The following ECHDC1 variants were observed in gnomAD, a reference collection of about 807,000 sequenced individuals.
The protein encoded by ECHDC1 is ethylmalonyl-CoA decarboxylase 1, also known as ethylmalonyl-CoA decarboxylase.
ECHDC1 carries 29 observed loss-of-function variants against 29.7 expected under a neutral mutation model. The ratio of observed to expected loss-of-function variants is 0.98; its 90% CI spans 0.73 to 1.33. The LOEUF (loss-of-function observed/expected upper bound fraction) is 1.33, where lower values mean the gene tolerates loss of function less well. Among genes scored for constraint, ECHDC1 ranks in the 40% most tolerant of loss-of-function variants. The probability of loss-of-function intolerance (pLI) is 0.00; values close to 1 mark genes in which losing one functional copy is unlikely to be tolerated. For synonymous variants in ECHDC1, 126 were observed against 123.1 expected, an observed-to-expected ratio of 1.02 and a Z score of -0.15; for missense variants, 328 against 350.0, an observed-to-expected ratio of 0.94 and a Z score of 0.50.
In ECHDC1 at chr6:127,307,981, G is replaced by A. The variant is rs567742201; in HGVS notation, c.497+6835C>T. 5.3e-5 allele frequency among the ~76,000 whole-genome samples: 8 copies of A among 152,118 alleles called. 1 individual carries two copies. In the South Asian group the frequency reaches 1.5e-3, roughly 28 times the overall value. On this transcript the variant is annotated intron_variant, in intron 5 of 5. Coordinates refer to ENST00000454859, the MANE Select transcript of ECHDC1 (RefSeq NM_001002030.2). ...ACCTGAACAGACCAATAACTAGTAA[G>A]GAGATTGAAGATGTAATAAAAAGTC...
chr6:127,310,613 T>C (rs1781822769), intron 5 of ECHDC1, among the ~76,000 whole-genome samples: 1 of 152,196 alleles, frequency 6.6e-6, no homozygotes, highest in South Asian at 2.1e-4. Flanking sequence ...GAACAAAATA[T>C]GTGGTTTCTT....
chr6:127,338,223 T>C (rs1349126594), intron 1 of ECHDC1, among the ~76,000 whole-genome samples: 2 of 152,188 alleles, frequency 1.3e-5, no homozygotes, highest in African/African-American at 2.4e-5. Flanking sequence ...GAATTCCTAT[T>C]AGTGATCACC....
chr6:127,339,247 A>C (rs1354236392), intron 1 of ECHDC1, among the ~76,000 whole-genome samples: 1 of 150,246 alleles, frequency 6.7e-6, no homozygotes, highest in East Asian at 1.9e-4. Flanking sequence ...TTTCTTAAAA[A>C]ATCATGCACA....
At chr6:127,303,239 T>TA (rs1357822492) in intron 5 of ECHDC1, among the ~76,000 whole-genome samples, 1 of 146,984 alleles carries the variant, frequency 6.8e-6, no homozygotes, top group South Asian at 2.2e-4. Flanking sequence ...GTCAAAAAAA[T>TA]AAAAAATATA....
chr6:127,333,848 C>A (rs981802734), intron 1 of ECHDC1, among the ~76,000 whole-genome samples: 2 of 152,084 alleles, frequency 1.3e-5, no homozygotes, highest in African/African-American at 4.8e-5. Context: ...ACAAGTATCA[C>A]TTCTTCTTTG....
intron 5 of ECHDC1, among the ~76,000 whole-genome samples, chr6:127,309,760 GCTGGGGAGGCCTCCAGAAAT>G (rs1324076151): frequency 1.3e-5 from 2 of 152,204 alleles, no homozygotes; most frequent in Non-Finnish European, 2.9e-5. Flanking sequence ...GGGAAGCATG[GCTGGGGAGGCCTCCAGAAAT>G]TTACAATCAT....
At chr6:127,338,676 T>C (rs75292872) in intron 1 of ECHDC1, among the ~76,000 whole-genome samples, 1,542 of 152,296 alleles carry the variant, frequency 0.01, 27 homozygotes, top group African/African-American at 0.035. Context: ...CCTACATATG[T>C]GTAACCAGAA....
At chr6:127,310,917 C>T (rs1781846164) in intron 5 of ECHDC1, among the ~76,000 whole-genome samples, 1 of 152,076 alleles carries the variant, frequency 6.6e-6, no homozygotes, top group Non-Finnish European at 1.5e-5. Flanking sequence ...GATTCCCCAC[C>T]AGATTACATC....
rs1349071965 is a variant in ECHDC1, at chr6:127,331,683, T to C, written c.-2-653A>G. The C allele has an allele frequency of 4.4e-5, 18 of 413,348 alleles. No homozygotes were observed. In the Admixed American group the frequency reaches 1.2e-3, roughly 26 times the overall value. 25.6% of individuals were successfully genotyped at this position (413,348 alleles called of 1,614,324 possible). A position where few individuals can be genotyped will look rare whatever the true frequency, so the allele number is the denominator to read the frequency against. ...CCTCTAGGTAGTCTTTTGCATCACA[T>C]GCTTCTTCATTCTCCAACTCTTAAC... On this transcript the variant is annotated intron_variant, in intron 1 of 5. Coordinates refer to ENST00000454859, the MANE Select transcript of ECHDC1 (RefSeq NM_001002030.2).
chr6:127,340,742 GTT>G lies in ECHDC1; in HGVS notation c.-3+2592_-3+2593del, dbSNP rs68050011. ...AAGGACTTAGATAGTTGCTTTAAAA[GTT>G]TTTTTTTTTTTTGCCTGTCTGCCAT... On this transcript the variant is annotated intron_variant, in intron 1 of 5. Coordinates refer to ENST00000454859, the MANE Select transcript of ECHDC1 (RefSeq NM_001002030.2). Among the ~76,000 whole-genome samples, 277 of 146,524 alleles carry G rather than the reference GTT, an allele frequency of 1.9e-3. 1 individual carries two copies. The highest frequency in any genetic ancestry group is 4.0e-3 in the African/African-American group (159 of 40,036).
chr6:127,308,056 C>A (rs539265731), intron 5 of ECHDC1, among the ~76,000 whole-genome samples: 2 of 152,170 alleles, frequency 1.3e-5, no homozygotes, highest in South Asian at 4.2e-4. Flanking sequence ...CTAAATTCTG[C>A]CAAACATTTA....
intron 5 of ECHDC1, among the ~76,000 whole-genome samples, chr6:127,313,903 T>C (rs1370537713): frequency 6.6e-6 from 1 of 152,188 alleles, no homozygotes; most frequent in Non-Finnish European, 1.5e-5. Flanking sequence ...TTAAATCTAT[T>C]TATAAATATT....
intron 5 of ECHDC1, among the ~76,000 whole-genome samples, chr6:127,300,882 G>A (rs115559295): frequency 3.3e-5 from 5 of 152,194 alleles, no homozygotes; most frequent in African/African-American, 1.2e-4. Flanking sequence ...CAGAATTTGT[G>A]GTAGTTTGTT....
chr6:127,340,966 C>T lies in ECHDC1; in HGVS notation c.-3+2370G>A, dbSNP rs149835008. On this transcript the variant is annotated intron_variant, in intron 1 of 5. Coordinates refer to ENST00000454859, the MANE Select transcript of ECHDC1 (RefSeq NM_001002030.2). ...TCAACACTACAGCAATTAGTATGAA[C>T]GCCATCAGATCTATATCCTTTTATC... 7.5e-3 allele frequency among the ~76,000 whole-genome samples: 1,137 copies of T among 152,240 alleles called. 19 individuals are homozygous for T. Among genetic ancestry groups the T allele is most frequent in the South Asian group, 0.054 (260 of 4,818 alleles).
chr6:127,326,885 C>G, intron 3 of ECHDC1, 117 bp downstream of exon 3: 1 of 1,221,158 alleles, frequency 8.2e-7, no homozygotes, highest in Non-Finnish European at 1.1e-6. Flanking sequence ...CCAAAAAATC[C>G]CCATAATCCT....
chr6:127,310,803 C>T (rs568957168), intron 5 of ECHDC1, among the ~76,000 whole-genome samples: 3 of 152,264 alleles, frequency 2.0e-5, no homozygotes, highest in South Asian at 2.1e-4. Context: ...AACAGTCAAT[C>T]GGTTAACAAA....
intron 1 of ECHDC1, among the ~76,000 whole-genome samples, chr6:127,339,286 C>A (rs886297322): frequency 5.4e-5 from 8 of 148,102 alleles, no homozygotes; most frequent in African/African-American, 2.0e-4. Flanking sequence ...AAGGTACATA[C>A]GAGATAAGCT....
rs758494501 is a variant in ECHDC1 at position 127,289,995 on chromosome 6, A to G, written c.780T>C (p.Ser260=). The G allele has an allele frequency of 1.2e-6, 2 of 1,613,750 alleles. No homozygotes were observed. The highest frequency in any genetic ancestry group is 1.1e-5 in the South Asian group (1 of 91,074). ...PPEVIRALKK[S]VCSGRELYLE... ...AATATAGCTCTCTGCCTGAACAAAC[A>G]GATTTTTTCAAAGCTCTAATTACTT... The change falls in exon 6 of 6, where the codon TCT becomes TCC. Residue 260 remains serine, a synonymous_variant. Transcript: ENST00000454859.
At chr6:127,305,840 T>G (rs535656522) in intron 5 of ECHDC1, among the ~76,000 whole-genome samples, 2 of 151,116 alleles carry the variant, frequency 1.3e-5, no homozygotes, top group Non-Finnish European at 3.0e-5. Context: ...AGAAGCTAAA[T>G]CAAATCACTG....
Sources: gnomAD v4.1 joint callset for allele counts (sites outside exome capture counted in the v4.1 genomes callset) on GRCh38, gnomAD v4.1.1 for gene constraint, MANE v1.5 for transcripts, NCBI Gene and HGNC (gene_info 2026-07-23, HGNC 2026-07-21) for gene names.